ARHGEF37: variants seen among roughly 807,000 people sequenced by gnomAD.
ARHGEF37 encodes the protein Rho guanine nucleotide exchange factor 37.
Under a neutral mutation model 71.1 loss-of-function variants are expected in ARHGEF37, and 55 were observed. The ratio of observed to expected loss-of-function variants is 0.77; its 90% CI spans 0.62 to 0.97. ARHGEF37 has a LOEUF of 0.97. Among genes scored for constraint, ARHGEF37 ranks in the 50% least tolerant of loss-of-function variants. ARHGEF37 has a pLI of 0.00. For synonymous variants in ARHGEF37, 327 were observed against 350.6 expected, an observed-to-expected ratio of 0.93 and a Z score of 0.75; for missense variants, 765 against 836.8, an observed-to-expected ratio of 0.91 and a Z score of 1.06.
chr5:149,578,940 A>C (rs1438206643), upstream of ARHGEF37, among the ~76,000 whole-genome samples: 1 of 152,206 alleles, frequency 6.6e-6, no homozygotes, highest in Non-Finnish European at 1.5e-5. Flanking sequence ...TAGAAATGCC[A>C]CTCAAAATAA....
chr5:149,583,768 GT>G lies in ARHGEF37; in HGVS notation c.-12+2147del, dbSNP rs569659042. On this transcript the variant is annotated intron_variant, in intron 1 of 12. Coordinates refer to ENST00000333677, the MANE Select transcript of ARHGEF37 (RefSeq NM_001001669.3). Reference sequence around the variant, plus strand: ...AATAGGCTGAAGAATTTGTTTATTTGTTTGTTTATTTAGAGACAGGGTCTCC... The same window carrying G: ...AATAGGCTGAAGAATTTGTTTATTTGTTGTTTATTTAGAGACAGGGTCTCC... Among the ~76,000 whole-genome samples, 588 of 152,244 alleles carry G rather than the reference GT, an allele frequency of 3.9e-3. 6 individuals are homozygous for G. Among genetic ancestry groups the G allele is most frequent in the African/African-American group, 0.013 (546 of 41,546 alleles).
intron 9 of ARHGEF37, among the ~76,000 whole-genome samples, chr5:149,623,775 T>A (rs551693908): frequency 4.6e-5 from 7 of 152,116 alleles, no homozygotes; most frequent in Admixed American, 2.6e-4. Context: ...AGGCTCTAGG[T>A]CAGCACTAAG....
chr5:149,609,387 CAG>C lies in ARHGEF37; in HGVS notation c.311-159_311-158del, dbSNP rs1764006880. ...CAACCTTGTGAAAAGATGAAAAAAA[CAG>C]AAAGTCAGGAAGATGAGGTCATTTG... On this transcript the variant is annotated intron_variant, in intron 3 of 12. Coordinates refer to ENST00000333677, the MANE Select transcript of ARHGEF37 (RefSeq NM_001001669.3). Among the ~76,000 whole-genome samples the C allele has an allele frequency of 2.6e-5, 4 of 152,244 alleles. No homozygotes were observed. In the South Asian group the frequency reaches 8.3e-4, roughly 32 times the overall value.
At chr5:149,568,032 G>A (rs530660105) in intron 1 of ARHGEF37, among the ~76,000 whole-genome samples, 2 of 152,062 alleles carry the variant, frequency 1.3e-5, no homozygotes, top group East Asian at 1.9e-4. Flanking sequence ...GTGCATTCTA[G>A]TGTTCTTCTT....
chr5:149,574,644 T>C (rs1227936648), intron 1 of ARHGEF37, among the ~76,000 whole-genome samples: 2 of 152,186 alleles, frequency 1.3e-5, no homozygotes, highest in African/African-American at 4.8e-5. Context: ...CAAACTTCCC[T>C]CTCTCAGAAC....
chr5:149,560,650 C>T (rs575634599), intron 1 of ARHGEF37, among the ~76,000 whole-genome samples: 22 of 152,050 alleles, frequency 1.4e-4, no homozygotes, highest in African/African-American at 4.3e-4. Flanking sequence ...TGGTTGGGTG[C>T]GGTGGCTCAT....
At chr5:149,618,397 C>T in intron 6 of ARHGEF37, 91 bp downstream of exon 6, 1 of 1,558,406 alleles carries the variant, frequency 6.4e-7, no homozygotes, top group Non-Finnish European at 8.7e-7. Context: ...AGGCTCCTTT[C>T]AGAACTGAGG....
Position 149,620,371 on chromosome 5 carries a change from G to A in ARHGEF37, c.912G>A (p.Arg304=). The A allele has an allele frequency of 6.2e-7, 1 of 1,611,380 alleles. No homozygotes were observed. Among genetic ancestry groups the A allele is most frequent in the East Asian group, 2.2e-5 (1 of 44,578 alleles). Residue 304 remains arginine (R), a synonymous_variant, in exon 8 of 13, where the codon AGG becomes AGA. Coordinates refer to ENST00000333677, the MANE Select transcript of ARHGEF37 (RefSeq NM_001001669.3). The part of the protein sequence containing the change: ...LDNLQAFLYF[R]PHEYNLDIPE... Reference sequence around the variant, plus strand: ...GGGTCCAGGCTTTCCTCTACTTCAGGCCGCACGAATACAATCTGGACATCC... The same window carrying A: ...GGGTCCAGGCTTTCCTCTACTTCAGACCGCACGAATACAATCTGGACATCC...
At chr5:149,558,691 A>ATGTGTG (rs58959997) in intron 1 of ARHGEF37, among the ~76,000 whole-genome samples, 39 of 128,078 alleles carry the variant, frequency 3.0e-4, no homozygotes, top group Admixed American at 9.7e-4. Flanking sequence ...CCATATATAT[A>ATGTGTG]TGTGTGTGTG....
At chr5:149,599,406 C>T (rs1222225204) in intron 2 of ARHGEF37, among the ~76,000 whole-genome samples, 9 of 125,278 alleles carry the variant, frequency 7.2e-5, no homozygotes, top group Non-Finnish European at 1.1e-4. Flanking sequence ...GGGCAAGGCT[C>T]GGCTCACCCA....
intron 10 of ARHGEF37, among the ~76,000 whole-genome samples, chr5:149,624,655 G>A (rs1209085308): frequency 7.6e-6 from 1 of 131,378 alleles, no homozygotes; most frequent in African/African-American, 2.9e-5. Flanking sequence ...GCACCTCCCA[G>A]CTACTTGGGA....
At chr5:149,604,885 G>A (rs1763870575) in intron 3 of ARHGEF37, among the ~76,000 whole-genome samples, 1 of 151,370 alleles carries the variant, frequency 6.6e-6, no homozygotes, top group South Asian at 2.1e-4. Flanking sequence ...GTTTCGCCAT[G>A]TTGGCCAGGC....
Position 149,632,515 on chromosome 5 carries a change from C to G in ARHGEF37, c.*324C>G. The G allele has an allele frequency of 3.2e-6, 1 of 312,290 alleles. No homozygotes were observed. The highest frequency in any genetic ancestry group is 6.1e-6 in the Non-Finnish European group (1 of 163,422). The allele number at this position is 312,290 out of a possible 1,614,324, so 19.3% of individuals were successfully genotyped here. On this transcript the variant is annotated 3_prime_UTR_variant, in exon 13 of 13. Transcript: ENST00000333677. ...TAGGTTATGGCCAGTCTTAGCTGTG[C>G]CTGCATCCGGGCCTGCCTGTGGGCG...
intron 1 of ARHGEF37, among the ~76,000 whole-genome samples, chr5:149,562,966 A>G (rs1762852054): frequency 6.6e-6 from 1 of 152,164 alleles, no homozygotes; most frequent in African/African-American, 2.4e-5. Context: ...TCTGCAGCTC[A>G]ATAAATCTCA....
intron 3 of ARHGEF37, among the ~76,000 whole-genome samples, chr5:149,603,500 C>T: frequency 6.6e-6 from 1 of 152,114 alleles, no homozygotes; most frequent in East Asian, 1.9e-4. Context: ...ATTGCTTCTG[C>T]ATGGTAGAAG....
chr5:149,570,294 C>T (rs1356419660), intron 1 of ARHGEF37, among the ~76,000 whole-genome samples: 1 of 152,008 alleles, frequency 6.6e-6, no homozygotes, highest in Non-Finnish European at 1.5e-5. Flanking sequence ...ACTTATATTA[C>T]CGGGTGCAGT....
chr5:149,563,946 ATTTTTTTTTTT>A (rs570750342), intron 1 of ARHGEF37, among the ~76,000 whole-genome samples: 2 of 124,862 alleles, frequency 1.6e-5, no homozygotes, highest in Non-Finnish European at 3.3e-5. Context: ...ATTAGTTTAA[ATTTTTTTTTTT>A]TTTTTTTTTT....
chr5:149,588,206 G>GTTTT (rs1385673857), intron 1 of ARHGEF37, among the ~76,000 whole-genome samples: 1 of 140,212 alleles, frequency 7.1e-6, no homozygotes, highest in Admixed American at 7.0e-5. Context: ...CTTTTTGTTT[G>GTTTT]TTTGTTTGTT....
chr5:149,564,739 G>T (rs1464028289), intron 1 of ARHGEF37, among the ~76,000 whole-genome samples: 1 of 152,082 alleles, frequency 6.6e-6, no homozygotes, highest in Non-Finnish European at 1.5e-5. Context: ...CAGGAGAATC[G>T]CCTGAACCCA....
Sources: allele counts gnomAD v4.1 joint callset (sites outside exome capture counted in the v4.1 genomes callset), GRCh38; gene constraint gnomAD v4.1.1; transcripts MANE v1.5; gene names NCBI Gene and HGNC (gene_info 2026-07-23, HGNC 2026-07-21).